KHDRBS2: variants seen among roughly 807,000 people sequenced by gnomAD.
The protein encoded by KHDRBS2 is KH RNA binding domain containing, signal transduction associated 2.
A neutral mutation model predicts 44.3 loss-of-function variants in KHDRBS2; 26 were observed. The ratio of observed to expected loss-of-function variants is 0.59; its 90% confidence interval spans 0.43 to 0.81. The LOEUF (loss-of-function observed/expected upper bound fraction) is 0.81. Among genes scored for constraint, KHDRBS2 ranks in the 40% least tolerant of loss-of-function variants. KHDRBS2 has a pLI of 0.00. For synonymous variants in KHDRBS2, 194 were observed against 151.1 expected (o/e 1.28, Z -2.08); for missense variants, 476 against 433.1 (o/e 1.10, Z -0.88).
the KHDRBS2 span, among the ~76,000 whole-genome samples, chr6:61,572,731 T>G: frequency 6.6e-6 from 1 of 152,180 alleles, no homozygotes; most frequent in African/African-American, 2.4e-5. Context: ...ATGATCATTT[T>G]AATAGATACA....
chr6:61,686,820 T>G (rs907744587), intron 8 of KHDRBS2, among the ~76,000 whole-genome samples: 7 of 151,378 alleles, frequency 4.6e-5, no homozygotes, highest in African/African-American at 1.7e-4. Context: ...AAGACTTAAT[T>G]TATTTTACTT....
chr6:61,670,406 A>G, the KHDRBS2 span, among the ~76,000 whole-genome samples: 1 of 151,494 alleles, frequency 6.6e-6, no homozygotes, highest in Non-Finnish European at 1.5e-5. Flanking sequence ...GCCTTACAAG[A>G]AAGCATAAAG....
At chr6:61,988,175 C>T (rs1361398561) in intron 3 of KHDRBS2, among the ~76,000 whole-genome samples, 1 of 151,972 alleles carries the variant, frequency 6.6e-6, no homozygotes, top group Non-Finnish European at 1.5e-5. Flanking sequence ...ATGGTTAATT[C>T]CTCAAATAAT....
At chr6:61,872,130 C>A (rs1798749947) in intron 6 of KHDRBS2, among the ~76,000 whole-genome samples, 2 of 151,890 alleles carry the variant, frequency 1.3e-5, no homozygotes, top group African/African-American at 2.4e-5. Flanking sequence ...ATGGGTAAAT[C>A]TAAAGCCAAA....
intron 2 of KHDRBS2, among the ~76,000 whole-genome samples, chr6:62,139,058 AT>A (rs564581390): frequency 6.4e-4 from 96 of 149,478 alleles, no homozygotes; most frequent in Admixed American, 2.3e-3. Context: ...AAATTGCTTG[AT>A]TTTTTTTTTA....
At chr6:61,998,043 C>T (rs1469185312) in intron 3 of KHDRBS2, among the ~76,000 whole-genome samples, 1 of 152,170 alleles carries the variant, frequency 6.6e-6, no homozygotes, top group South Asian at 2.1e-4. Context: ...AATTTTAAAC[C>T]TGAATTATAG....
chr6:61,648,103 C>T, the KHDRBS2 span, among the ~76,000 whole-genome samples: 1 of 151,926 alleles, frequency 6.6e-6, no homozygotes, highest in African/African-American at 2.4e-5. Context: ...ACCTAAAATC[C>T]TATTTTTTCT....
the KHDRBS2 span, among the ~76,000 whole-genome samples, chr6:61,562,870 C>T: frequency 6.6e-6 from 1 of 152,192 alleles, no homozygotes. Context: ...CTGTCAAGTC[C>T]TCTTACATGA....
chr6:61,948,533 T>G (rs2127381782), intron 4 of KHDRBS2, among the ~76,000 whole-genome samples: 1 of 152,030 alleles, frequency 6.6e-6, no homozygotes, highest in African/African-American at 2.4e-5. Flanking sequence ...TCTGAGCAAG[T>G]TACCTAAATT....
chr6:62,166,894 C>G (rs985702837), intron 2 of KHDRBS2, among the ~76,000 whole-genome samples: 1 of 151,952 alleles, frequency 6.6e-6, no homozygotes. Flanking sequence ...TTACTGAAGG[C>G]TCACTGAGTT....
chr6:61,615,768 T>C, the KHDRBS2 span, among the ~76,000 whole-genome samples: 5 of 152,148 alleles, frequency 3.3e-5, no homozygotes, highest in Admixed American at 6.5e-5. Flanking sequence ...ATATTGCAAA[T>C]ATTCAAAAAT....
At chr6:62,157,055 T>A (rs1308384211) in intron 2 of KHDRBS2, among the ~76,000 whole-genome samples, 1 of 151,498 alleles carries the variant, frequency 6.6e-6, no homozygotes, top group African/African-American at 2.4e-5. Flanking sequence ...TAACTTACTC[T>A]TAAAAGAATA....
Position 62,175,102 on chromosome 6 carries a change from A to G in KHDRBS2, c.219+2083T>C, listed in dbSNP as rs372881077. Among the ~76,000 whole-genome samples, 6 of 151,824 alleles carry G rather than the reference A, an allele frequency of 4.0e-5. No individual in the cohort carries two copies. In the East Asian group the frequency reaches 9.6e-4, roughly 24 times the overall value. On this transcript the variant is annotated intron_variant, in intron 2 of 8. Transcript: ENST00000281156. ...CATAGTTTGTTTTCAAAATATTATG[A>G]TTTATTGTTGTACTATAAAAACCAG...
intron 6 of KHDRBS2, among the ~76,000 whole-genome samples, chr6:61,751,630 G>A (rs1254124606): frequency 6.6e-6 from 1 of 152,176 alleles, no homozygotes; most frequent in Non-Finnish European, 1.5e-5. Context: ...TGGAAAAGTA[G>A]GAAGGAGCTG....
At chr6:61,638,940 A>C in the KHDRBS2 span, among the ~76,000 whole-genome samples, 1 of 152,082 alleles carries the variant, frequency 6.6e-6, no homozygotes, top group Admixed American at 6.6e-5. Context: ...TGCTTTATGA[A>C]GTTCTCTCAG....
intron 1 of KHDRBS2, among the ~76,000 whole-genome samples, chr6:62,248,691 A>T (rs1836028482): frequency 6.6e-6 from 1 of 152,112 alleles, no homozygotes; most frequent in Admixed American, 6.6e-5. Flanking sequence ...TAATGAGGGC[A>T]TTGTATCTTC....
chr6:61,744,289 A>G (rs934902228), intron 6 of KHDRBS2, among the ~76,000 whole-genome samples: 1 of 152,078 alleles, frequency 6.6e-6, no homozygotes, highest in African/African-American at 2.4e-5. Context: ...CAGGGCAATG[A>G]AAGTGTGTCC....
intron 1 of KHDRBS2, among the ~76,000 whole-genome samples, chr6:62,237,769 A>AGT (rs1833931869): frequency 6.6e-6 from 1 of 152,146 alleles, no homozygotes. Flanking sequence ...GGCCCGGTGC[A>AGT]GTGGCTCACG....
chr6:61,905,462 T>A (rs1342848457), intron 4 of KHDRBS2, among the ~76,000 whole-genome samples: 2 of 151,678 alleles, frequency 1.3e-5, no homozygotes, highest in African/African-American at 2.4e-5. Context: ...AAAAAAAAAA[T>A]TGAAGGTGGA....
Sources: gnomAD v4.1 joint callset for allele counts (sites outside exome capture counted in the v4.1 genomes callset) on GRCh38, gnomAD v4.1.1 for gene constraint, MANE v1.5 for transcripts, NCBI Gene and HGNC (gene_info 2026-07-23, HGNC 2026-07-21) for gene names.